C16orf87: variants seen among roughly 807,000 people sequenced by gnomAD.
The protein encoded by C16orf87 is UPF0547 protein C16orf87.
C16orf87 carries 13 observed loss-of-function variants against 21.0 expected under a neutral mutation model. The ratio of observed to expected loss-of-function variants is 0.62; its 90% CI spans 0.40 to 0.98. The LOEUF (loss-of-function observed/expected upper bound fraction) is 0.98. Among genes scored for constraint, C16orf87 ranks in the 50% least tolerant of loss-of-function variants. The pLI is 0.00. For synonymous variants in C16orf87, 49 were observed against 60.2 expected, an observed-to-expected ratio of 0.81 and a Z score of 0.86; for missense variants, 113 against 180.4, an observed-to-expected ratio of 0.63 and a Z score of 2.14.
rs146133832 is a variant in C16orf87, at chr16:46,825,872, C to T, written c.67-1390G>A. Among the ~76,000 whole-genome samples the T allele has an allele frequency of 5.6e-3, 828 of 147,882 alleles. 5 individuals are homozygous for T. Among genetic ancestry groups the T allele is most frequent in the South Asian group, 0.035 (164 of 4,696 alleles). ...GAGGTTGCAGTGAGCCAAGAGTGCA[C>T]TATTGCACTCTAGCCTGGGCAACAT... On this transcript the variant is annotated intron_variant, in intron 1 of 3. Transcript: ENST00000285697.
chr16:46,819,144 T>C (rs1056328997), intron 2 of C16orf87, among the ~76,000 whole-genome samples: 1 of 152,222 alleles, frequency 6.6e-6, no homozygotes, highest in Non-Finnish European at 1.5e-5. Flanking sequence ...TTTCAATAAA[T>C]CCCTTCATTC....
At chr16:46,830,163 G>A (rs183924394) in intron 1 of C16orf87, among the ~76,000 whole-genome samples, 1 of 152,160 alleles carries the variant, frequency 6.6e-6, no homozygotes, top group Non-Finnish European at 1.5e-5. Flanking sequence ...TCACTGAAAT[G>A]AGATGTTTTA....
At chr16:46,817,321 TA>T (rs1437976550) in intron 2 of C16orf87, among the ~76,000 whole-genome samples, 1 of 152,106 alleles carries the variant, frequency 6.6e-6, no homozygotes, top group African/African-American at 2.4e-5. Context: ...TTTCCAGAAA[TA>T]AAACAATTTC....
In C16orf87 at chr16:46,807,493, CCCA is replaced by C. The variant is rs373436098; in HGVS notation, c.346+2107_346+2109del. 2.7e-3 allele frequency among the ~76,000 whole-genome samples: 408 copies of C among 152,028 alleles called. 1 individual carries two copies. Among genetic ancestry groups the C allele is most frequent in the African/African-American group, 9.2e-3 (383 of 41,506 alleles). On this transcript the variant is annotated intron_variant, in intron 3 of 3. Transcript: ENST00000285697. Reference sequence around the variant, plus strand: ...ACTATAGTACAAGTAACAAATGTGGCCCACCACCTGCTTTATAAAGTATTACTG... The same window carrying C: ...ACTATAGTACAAGTAACAAATGTGGCCCACCTGCTTTATAAAGTATTACTG...
At chr16:46,814,809 A>G (rs1026231844) in intron 2 of C16orf87, among the ~76,000 whole-genome samples, 3 of 152,200 alleles carry the variant, frequency 2.0e-5, no homozygotes, top group Non-Finnish European at 4.4e-5. Flanking sequence ...TCTAATGCAT[A>G]CCTTGAGAGA....
intron 2 of C16orf87, among the ~76,000 whole-genome samples, chr16:46,823,897 C>T (rs1410930395): frequency 6.6e-6 from 1 of 152,126 alleles, no homozygotes; most frequent in Non-Finnish European, 1.5e-5. Flanking sequence ...GAAAGCAGAT[C>T]TGTGGTTACC....
At chr16:46,826,622 T>C (rs1959630717) in intron 1 of C16orf87, among the ~76,000 whole-genome samples, 1 of 152,178 alleles carries the variant, frequency 6.6e-6, no homozygotes, top group Non-Finnish European at 1.5e-5. Context: ...TCCAGATTTG[T>C]CTAACAGCTT....
At chr16:46,818,813 C>G (rs1327310399) in intron 2 of C16orf87, among the ~76,000 whole-genome samples, 1 of 152,190 alleles carries the variant, frequency 6.6e-6, no homozygotes, top group African/African-American at 2.4e-5. Flanking sequence ...CCTCAGCCTC[C>G]CAAGTAGCTG....
At chr16:46,824,275 T>G in intron 2 of C16orf87, 111 bp downstream of exon 2, 1 of 612,094 alleles carries the variant, frequency 1.6e-6, no homozygotes, top group East Asian at 3.2e-5. Flanking sequence ...CAAAAACACT[T>G]GAATAGATTT....
intron 3 of C16orf87, among the ~76,000 whole-genome samples, chr16:46,805,773 T>C (rs1967912741): frequency 6.6e-6 from 1 of 152,234 alleles, no homozygotes; most frequent in East Asian, 1.9e-4. Flanking sequence ...TCTCTGTGAA[T>C]CTCTAATGAG....
chr16:46,827,471 A>T (rs1219417887), intron 1 of C16orf87, among the ~76,000 whole-genome samples: 1 of 152,224 alleles, frequency 6.6e-6, no homozygotes, highest in Non-Finnish European at 1.5e-5. Flanking sequence ...AAAAAAAAGA[A>T]AATATTCAAA....
At chr16:46,813,497 AT>A (rs1337321375) in intron 2 of C16orf87, among the ~76,000 whole-genome samples, 2 of 150,348 alleles carry the variant, frequency 1.3e-5, no homozygotes, top group Non-Finnish European at 3.0e-5. Context: ...AAAAAAAAAA[AT>A]CAAACTGCAT....
intron 3 of C16orf87, among the ~76,000 whole-genome samples, chr16:46,804,464 T>C (rs1179880275): frequency 6.6e-6 from 1 of 152,198 alleles, no homozygotes; most frequent in Admixed American, 6.5e-5. Context: ...TCAGAAAATA[T>C]CTTTAGTCTA....
intron 1 of C16orf87, chr16:46,830,799 C>A (rs1189553509): frequency 2.0e-5 from 6 of 298,718 alleles, no homozygotes; most frequent in Non-Finnish European, 3.7e-5. Context: ...TCCAGACAGC[C>A]GCCCGGTGAG....
At chr16:46,820,074 C>T (rs1187236054) in intron 2 of C16orf87, among the ~76,000 whole-genome samples, 3 of 152,166 alleles carry the variant, frequency 2.0e-5, no homozygotes, top group Non-Finnish European at 2.9e-5. Context: ...ACTCTACCAC[C>T]TCCCTATTTC....
At chr16:46,822,627 GATAA>G (rs1373413159) in intron 2 of C16orf87, among the ~76,000 whole-genome samples, 3 of 152,130 alleles carry the variant, frequency 2.0e-5, no homozygotes, top group Non-Finnish European at 2.9e-5. Context: ...ATAGACCTAA[GATAA>G]ATAAACCTCT....
In C16orf87 at chr16:46,802,731, C is replaced by G. The variant is rs1187392090; in HGVS notation, c.*221G>C. On this transcript the variant is annotated 3_prime_UTR_variant, in exon 4 of 4. Coordinates refer to ENST00000285697, the MANE Select transcript of C16orf87 (RefSeq NM_001001436.4). ...AATACACTTACTTATATCCCAAACA[C>G]AAAACACTGACAATACTCCTTGGTA... The G allele has an allele frequency of 1.4e-5, 5 of 368,534 alleles. No individual in the cohort carries two copies. The highest frequency in any genetic ancestry group is 1.1e-4 in the African/African-American group (5 of 47,558). The allele number at this position is 368,534 out of a possible 1,614,324, so 22.8% of individuals were successfully genotyped here.
intron 3 of C16orf87, 92 bp from the exon 4 acceptor site, chr16:46,803,162 A>G: frequency 3.2e-6 from 2 of 619,122 alleles, no homozygotes. Context: ...TTTAAATGAC[A>G]GTATTATATA....
intron 2 of C16orf87, among the ~76,000 whole-genome samples, chr16:46,821,916 C>G (rs1245696529): frequency 6.6e-6 from 1 of 152,172 alleles, no homozygotes; most frequent in Non-Finnish European, 1.5e-5. Flanking sequence ...ATCTTTCCCC[C>G]ACAGCTTGTT....
Sources: allele counts gnomAD v4.1 joint callset (sites outside exome capture counted in the v4.1 genomes callset), GRCh38; gene constraint gnomAD v4.1.1; transcripts MANE v1.5; gene names NCBI Gene and HGNC (gene_info 2026-07-23, HGNC 2026-07-21).